Variants in SLC1A3 observed in about 807,000 individuals in gnomAD.
SLC1A3 encodes the protein excitatory amino acid transporter 1.
Under a neutral mutation model 48.1 loss-of-function variants are expected in SLC1A3, and 21 were observed. That is an observed-to-expected ratio of 0.44 (90% CI 0.31 to 0.63). The LOEUF (loss-of-function observed/expected upper bound fraction) is 0.63, where lower values mean the gene tolerates loss of function less well. SLC1A3 is among the 20% of genes least tolerant of loss of function. The pLI is 0.08. For synonymous variants in SLC1A3, 239 were observed against 251.4 expected, an observed-to-expected ratio of 0.95 and a Z score of 0.47; for missense variants, 546 against 689.0, an observed-to-expected ratio of 0.79 and a Z score of 2.32.
chr5:36,657,073 G>T (rs1741313598), intron 3 of SLC1A3, among the ~76,000 whole-genome samples: 1 of 152,080 alleles, frequency 6.6e-6, no homozygotes, highest in Non-Finnish European at 1.5e-5. Flanking sequence ...ATTGATCCTT[G>T]ATGCATTTAC....
At chr5:36,634,151 C>T (rs1408965042) in intron 3 of SLC1A3, among the ~76,000 whole-genome samples, 1 of 152,056 alleles carries the variant, frequency 6.6e-6, no homozygotes, top group Non-Finnish European at 1.5e-5. Flanking sequence ...TGGCGTGTGC[C>T]TGTAATCCCA....
At chr5:36,650,058 A>C (rs1336225511) in intron 3 of SLC1A3, among the ~76,000 whole-genome samples, 1 of 152,186 alleles carries the variant, frequency 6.6e-6, no homozygotes, top group African/African-American at 2.4e-5. Context: ...CAGATGTGAA[A>C]TTTTCCTATG....
In SLC1A3 at chr5:36,677,083, C is replaced by T. The variant is rs760269399; in HGVS notation, c.759C>T (p.Phe253=). The change falls in exon 6 of 10, where the codon TTC becomes TTT. Residue 253 remains phenylalanine, a synonymous_variant. Transcript: ENST00000265113. ...ALGLVVFSMC[F]GFVIGNMKEQ... ...GTCTAGTTGTCTTCTCCATGTGCTT[C>T]GGTTTTGTGATTGGAAACATGAAGG... is the stretch of plus-strand genomic sequence containing the variant. The T allele has an allele frequency of 5.6e-6, 9 of 1,614,044 alleles. No homozygotes were observed. The highest frequency in any genetic ancestry group is 4.5e-5 in the East Asian group (2 of 44,880).
chr5:36,619,332 C>T lies in SLC1A3; in HGVS notation c.182-10118C>T, dbSNP rs1739574420. Among the ~76,000 whole-genome samples the T allele has an allele frequency of 3.3e-5, 5 of 152,190 alleles. No homozygotes were observed. The South Asian group carries it at 8.3e-4, about 25-fold the overall frequency. Reference sequence around the variant, plus strand: ...AGGTAGATTCACCATTATGGCTTTGCTTTCTTTGTAAAAATAAGCCAATAC... The same window carrying T: ...AGGTAGATTCACCATTATGGCTTTGTTTTCTTTGTAAAAATAAGCCAATAC... On this transcript the variant is annotated intron_variant, in intron 2 of 9. Transcript: ENST00000265113.
chr5:36,652,921 C>G lies in SLC1A3; in HGVS notation c.320-18108C>G, dbSNP rs141118536. ...CTTTGGGTGAGGGTACAATACTGAA[C>G]ATTCAAATGCTTCCACTGGATAATG... On this transcript the variant is annotated intron_variant, in intron 3 of 9. Transcript: ENST00000265113. 8.7e-3 allele frequency among the ~76,000 whole-genome samples: 1,326 copies of G among 152,328 alleles called. 73 individuals carry two copies. The highest frequency in any genetic ancestry group is 0.082 in the Admixed American group (1,257 of 15,300).
intron 4 of SLC1A3, among the ~76,000 whole-genome samples, chr5:36,672,260 C>G (rs896737597): frequency 1.3e-5 from 2 of 152,146 alleles, no homozygotes; most frequent in Admixed American, 1.3e-4. Flanking sequence ...GTGCATGTCA[C>G]TAGACAAACC....
chr5:36,631,838 C>T (rs1740145090), intron 3 of SLC1A3, among the ~76,000 whole-genome samples: 1 of 152,128 alleles, frequency 6.6e-6, no homozygotes, highest in African/African-American at 2.4e-5. Flanking sequence ...AGGGTATGAC[C>T]CAGCTATAAT....
At chr5:36,679,500 AATGGTATCCTGGG>A (rs1742345592) in intron 6 of SLC1A3, 114 bp from the exon 7 acceptor site, 1 of 754,328 alleles carries the variant, frequency 1.3e-6, no homozygotes, top group African/African-American at 1.7e-5. Context: ...TGTAAGTCCT[AATGGTATCCTGGG>A]CAGGAAAGTT....
chr5:36,629,448 A>G lies in SLC1A3; in HGVS notation c.182-2A>G. 1 of 1,594,378 alleles carries G rather than the reference A, an allele frequency of 6.3e-7. No homozygotes were observed. The highest frequency in any genetic ancestry group is 8.5e-7 in the Non-Finnish European group (1 of 1,172,528). On this transcript the variant is annotated splice_acceptor_variant, in intron 2 of 9. Coordinates refer to ENST00000265113, the MANE Select transcript of SLC1A3 (RefSeq NM_004172.5). LOFTEE classifies it high-confidence loss of function. ...TTTTCTTTTTTTTTTTTTTTCCTTC[A>G]GGTACAATCCTTGGATTTACCCTCC...
chr5:36,604,400 A>G (rs754875433), upstream of SLC1A3, among the ~76,000 whole-genome samples: 5 of 152,128 alleles, frequency 3.3e-5, no homozygotes, highest in Admixed American at 6.6e-5. Context: ...GAAAAGGTAG[A>G]AATACGCGTT....
At chr5:36,663,677 G>C (rs1741613831) in intron 3 of SLC1A3, among the ~76,000 whole-genome samples, 2 of 152,158 alleles carry the variant, frequency 1.3e-5, no homozygotes, top group Admixed American at 1.3e-4. Flanking sequence ...AGGAACACTT[G>C]GTGTTTTCAT....
chr5:36,682,844 G>A (rs368094012), intron 8 of SLC1A3, among the ~76,000 whole-genome samples: 14 of 152,298 alleles, frequency 9.2e-5, no homozygotes, highest in African/African-American at 3.4e-4. Flanking sequence ...ATTCTGGGGA[G>A]CCATATACCA....
upstream of SLC1A3, among the ~76,000 whole-genome samples, chr5:36,605,276 A>ATCT (rs1738887585): frequency 6.6e-6 from 1 of 152,210 alleles, no homozygotes; most frequent in Non-Finnish European, 1.5e-5. Flanking sequence ...TGTAGTATAG[A>ATCT]TGCTCAGTGA....
At chr5:36,670,154 CTG>C (rs1741928560) in intron 3 of SLC1A3, among the ~76,000 whole-genome samples, 1 of 152,170 alleles carries the variant, frequency 6.6e-6, no homozygotes, top group Non-Finnish European at 1.5e-5. Context: ...AAGCATGGAA[CTG>C]TGTTCCATTA....
intron 3 of SLC1A3, among the ~76,000 whole-genome samples, chr5:36,658,611 T>G (rs558193085): frequency 2.9e-4 from 44 of 152,272 alleles, no homozygotes; most frequent in Non-Finnish European, 5.6e-4. Flanking sequence ...AAGCAGTTTT[T>G]TTTGTTTGTT....
At chr5:36,617,621 T>C (rs1205270028) in intron 2 of SLC1A3, among the ~76,000 whole-genome samples, 1 of 152,142 alleles carries the variant, frequency 6.6e-6, no homozygotes, top group Non-Finnish European at 1.5e-5. Flanking sequence ...TATGTATTTA[T>C]TCCTTTTTTG....
At chr5:36,675,355 C>A (rs1168335444) in intron 5 of SLC1A3, among the ~76,000 whole-genome samples, 1 of 152,124 alleles carries the variant, frequency 6.6e-6, no homozygotes, top group Non-Finnish European at 1.5e-5. Context: ...CCAACTCTAG[C>A]ACCATGGGGC....
intron 3 of SLC1A3, among the ~76,000 whole-genome samples, chr5:36,657,937 G>C (rs1015182184): frequency 6.6e-6 from 1 of 152,234 alleles, no homozygotes; most frequent in Non-Finnish European, 1.5e-5. Flanking sequence ...ACATTCAGGA[G>C]AGGCTTTGAC....
intron 3 of SLC1A3, among the ~76,000 whole-genome samples, chr5:36,644,801 C>T (rs1740769130): frequency 3.9e-5 from 6 of 152,118 alleles, no homozygotes; most frequent in Admixed American, 3.9e-4. Flanking sequence ...GGATGTTAGT[C>T]TGTGGGTCAG....
Sources: gnomAD v4.1 joint callset for allele counts (sites outside exome capture counted in the v4.1 genomes callset) on GRCh38, gnomAD v4.1.1 for gene constraint, MANE v1.5 for transcripts, NCBI Gene and HGNC (gene_info 2026-07-23, HGNC 2026-07-21) for gene names.